The following C9 variants were observed in gnomAD, a reference collection of about 807,000 sequenced individuals.
C9 encodes complement component C9.
A neutral mutation model predicts 65.4 loss-of-function variants in C9; 63 were observed. That is an observed-to-expected ratio of 0.96 (90% CI 0.79 to 1.19). The LOEUF is 1.19. C9 is among the 50% of genes most tolerant of loss of function. The pLI, the probability that C9 is intolerant of heterozygous loss-of-function variation, is 0.00. For synonymous variants in C9, 229 were observed against 227.9 expected, an observed-to-expected ratio of 1.00 and a Z score of -0.04; for missense variants, 744 against 670.1, an observed-to-expected ratio of 1.11 and a Z score of -1.22.
intron 7 of C9, among the ~76,000 whole-genome samples, chr5:39,310,665 G>T (rs1561338278): frequency 1.3e-5 from 2 of 152,072 alleles, no homozygotes. Flanking sequence ...GCTTTAAGAT[G>T]TTAGATTTAT....
At chr5:39,357,665 G>T (rs1349479047) in intron 1 of C9, among the ~76,000 whole-genome samples, 1 of 152,192 alleles carries the variant, frequency 6.6e-6, no homozygotes, top group Non-Finnish European at 1.5e-5. Flanking sequence ...ACTGCCCTAG[G>T]ACTGGAGTTG....
At chr5:39,296,916 A>C (rs1393802435) in intron 9 of C9, among the ~76,000 whole-genome samples, 8 of 151,496 alleles carry the variant, frequency 5.3e-5, no homozygotes, top group Admixed American at 5.3e-4. Context: ...AGTAGAACAG[A>C]GGATACTAGA....
chr5:39,352,614 T>G (rs1754341439), intron 1 of C9, among the ~76,000 whole-genome samples: 1 of 152,342 alleles, frequency 6.6e-6, no homozygotes, highest in Admixed American at 6.5e-5. Context: ...TGTTACAGTC[T>G]TGTAAATGAT....
intron 9 of C9, among the ~76,000 whole-genome samples, chr5:39,300,326 C>A (rs1753257827): frequency 6.6e-6 from 1 of 152,078 alleles, no homozygotes; most frequent in Admixed American, 6.6e-5. Context: ...GCAGAAGAAT[C>A]CTTTGAAGCC....
At chr5:39,347,466 G>A (rs951742452) in intron 1 of C9, among the ~76,000 whole-genome samples, 14 of 152,148 alleles carry the variant, frequency 9.2e-5, no homozygotes, top group Admixed American at 2.0e-4. Context: ...AACTTACAAA[G>A]GATGTGGAGG....
At chr5:39,297,239 C>T (rs903208563) in intron 9 of C9, among the ~76,000 whole-genome samples, 1 of 151,476 alleles carries the variant, frequency 6.6e-6, no homozygotes. Flanking sequence ...TATACATTAT[C>T]ATTATCAAAA....
intron 4 of C9, among the ~76,000 whole-genome samples, chr5:39,338,270 C>T (rs923956069): frequency 6.6e-6 from 1 of 152,012 alleles, no homozygotes; most frequent in Admixed American, 6.6e-5. Context: ...TTAAGACTTA[C>T]GGATTTTGTA....
Position 39,284,466 on chromosome 5 carries a change from T to A in C9, c.*733A>T, listed in dbSNP as rs992837541. On this transcript the variant is annotated 3_prime_UTR_variant, in exon 11 of 11. Transcript: ENST00000263408. ...TGATGTTTTTTCTTGTAAAATATGA[T>A]CAAATAGAAGGAATTTCACATAATT... 21 of 152,306 alleles carry A rather than the reference T, an allele frequency of 1.4e-4. No individual in the cohort carries two copies. Among genetic ancestry groups the A allele is most frequent in the African/African-American group, 4.6e-4 (19 of 41,564 alleles). 9.4% of individuals were successfully genotyped at this position (152,306 alleles called of 1,614,324 possible). A position where few individuals can be genotyped will look rare whatever the true frequency, so the allele number is the denominator to read the frequency against.
chr5:39,326,625 A>G (rs549984561), intron 5 of C9, among the ~76,000 whole-genome samples: 1 of 152,336 alleles, frequency 6.6e-6, no homozygotes, highest in Admixed American at 6.5e-5. Flanking sequence ...ACCCCTGCCT[A>G]TGACTTCAAC....
intron 1 of C9, among the ~76,000 whole-genome samples, chr5:39,351,714 A>G (rs1214660719): frequency 6.6e-6 from 1 of 152,122 alleles, no homozygotes; most frequent in Non-Finnish European, 1.5e-5. Context: ...TCCATCTGAG[A>G]CCATCTCAGC....
intron 9 of C9, among the ~76,000 whole-genome samples, chr5:39,295,203 C>A (rs1209036448): frequency 6.6e-6 from 1 of 151,696 alleles, no homozygotes; most frequent in Admixed American, 6.6e-5. Context: ...GAAATCCGAG[C>A]CAGAGCACTT....
chr5:39,339,830 T>C (rs955757745), intron 4 of C9, among the ~76,000 whole-genome samples: 5 of 151,892 alleles, frequency 3.3e-5, no homozygotes, highest in African/African-American at 1.2e-4. Flanking sequence ...CTGCTGATTT[T>C]TTGTATTTTT....
At chr5:39,332,087 A>G (rs902327263) in intron 4 of C9, among the ~76,000 whole-genome samples, 5 of 152,174 alleles carry the variant, frequency 3.3e-5, no homozygotes, top group African/African-American at 1.2e-4. Context: ...GGCACATGGG[A>G]CCATCTGGTT....
At chr5:39,289,674 T>C (rs1212868673) in intron 9 of C9, among the ~76,000 whole-genome samples, 3 of 151,884 alleles carry the variant, frequency 2.0e-5, no homozygotes, top group Admixed American at 2.0e-4. Context: ...GAATCCAGTC[T>C]TGTCAGTGAT....
chr5:39,297,629 G>A (rs1361152422), intron 9 of C9, among the ~76,000 whole-genome samples: 4 of 151,516 alleles, frequency 2.6e-5, no homozygotes, highest in Non-Finnish European at 4.4e-5. Context: ...ATATTGTTAG[G>A]AATAAAAAGA....
At position 39,302,592 on chromosome 5, in the gene C9, C is replaced by T. The variant is rs567496167; in HGVS notation, c.1416+4025G>A. 8.6e-5 allele frequency among the ~76,000 whole-genome samples: 13 copies of T among 152,032 alleles called. No homozygotes were observed. In the East Asian group the frequency reaches 1.5e-3, roughly 18 times the overall value. On this transcript the variant is annotated intron_variant, in intron 9 of 10. Coordinates refer to ENST00000263408, the MANE Select transcript of C9 (RefSeq NM_001737.5). ...CAGTTACACAATAGAGCAAAAATGA[C>T]GGGTTAATTAATTCATGAATTACTA...
intron 1 of C9, among the ~76,000 whole-genome samples, chr5:39,344,826 G>C (rs1070313): frequency 6.6e-6 from 1 of 152,078 alleles, no homozygotes; most frequent in Non-Finnish European, 1.5e-5. Flanking sequence ...CAGATCTCTC[G>C]GCAGAAACTC....
At chr5:39,289,278 G>T (rs537049715) in intron 9 of C9, among the ~76,000 whole-genome samples, 1 of 151,704 alleles carries the variant, frequency 6.6e-6, no homozygotes, top group South Asian at 2.1e-4. Flanking sequence ...TAAACTTCTG[G>T]CTTGATAATT....
At chr5:39,306,144 C>T (rs1438676254) in intron 9 of C9, among the ~76,000 whole-genome samples, 2 of 129,170 alleles carry the variant, frequency 1.5e-5, no homozygotes, top group Non-Finnish European at 3.1e-5. Flanking sequence ...GCCTGGGTGA[C>T]ACAGTGAGAC....
Sources: gnomAD v4.1 joint callset for allele counts (sites outside exome capture counted in the v4.1 genomes callset) on GRCh38, gnomAD v4.1.1 for gene constraint, MANE v1.5 for transcripts, NCBI Gene and HGNC (gene_info 2026-07-23, HGNC 2026-07-21) for gene names.